CAPN8: variants seen among roughly 807,000 people sequenced by gnomAD.
CAPN8 encodes calpain-8.
In CAPN8, 87 loss-of-function variants were observed where a neutral mutation model predicts 80.9. That is an observed-to-expected ratio of 1.07 (90% CI 0.90 to 1.28). The LOEUF is 1.28. Among genes scored for constraint, CAPN8 ranks in the 50% most tolerant of loss-of-function variants. The pLI, the probability that CAPN8 is intolerant of heterozygous loss-of-function variation, is 0.00. For synonymous variants in CAPN8, 299 were observed against 273.8 expected (o/e 1.09, Z -0.91); for missense variants, 757 against 702.0 (o/e 1.08, Z -0.89).
intron 11 of CAPN8, 146 bp downstream of exon 11, chr1:223,612,100 A>G: frequency 1.7e-6 from 1 of 573,388 alleles, no homozygotes; most frequent in Non-Finnish European, 2.6e-6. Flanking sequence ...CAGCCTACTC[A>G]TGTGGTTTGA....
chr1:223,614,367 T>C (rs1657111572), intron 10 of CAPN8, among the ~76,000 whole-genome samples: 1 of 146,974 alleles, frequency 6.8e-6, no homozygotes, highest in African/African-American at 2.5e-5. Context: ...AGCACTGCAC[T>C]CCAGCCTGGG....
intron 1 of CAPN8, among the ~76,000 whole-genome samples, chr1:223,659,592 C>T (rs753262805): frequency 2.6e-5 from 4 of 152,148 alleles, no homozygotes; most frequent in South Asian, 2.1e-4. Flanking sequence ...CAAACGTCTC[C>T]GGTAATTAAC....
chr1:223,552,058 C>G (rs34267716), intron 14 of CAPN8, among the ~76,000 whole-genome samples: 37,320 of 152,108 alleles, frequency 0.25, 4,624 homozygotes, highest in East Asian at 0.31. Context: ...GCAGAGAAGG[C>G]GTGCTGGGCT....
chr1:223,663,746 G>A (rs1420383309), intron 1 of CAPN8, among the ~76,000 whole-genome samples: 4 of 152,326 alleles, frequency 2.6e-5, no homozygotes, highest in South Asian at 2.1e-4. Flanking sequence ...GATGAACCAC[G>A]GTGGGCGGGA....
In CAPN8 at chr1:223,551,153, G is replaced by GT. The variant is rs536065654; in HGVS notation, c.1642-137dup. 3.7e-3 allele frequency: 2,107 copies of GT among 567,554 alleles called. 2 individuals are homozygous for GT. Among genetic ancestry groups the GT allele is most frequent in the South Asian group, 9.4e-3 (448 of 47,724 alleles). 35.2% of individuals were successfully genotyped at this position (567,554 alleles called of 1,614,324 possible). A position where few individuals can be genotyped will look rare whatever the true frequency, so the allele number is the denominator to read the frequency against. On this transcript the variant is annotated intron_variant, in intron 14 of 20. Coordinates refer to ENST00000366872, the MANE Select transcript of CAPN8 (RefSeq NM_001143962.2). ...TGAGGTTTATTTGTTTTTGTTTTTT[G>GT]TTTTTTTTTGAGACAGTCTTACTCT... is the stretch of plus-strand genomic sequence containing the variant.
intron 16 of CAPN8, 122 bp downstream of exon 16, chr1:223,549,196 T>A: frequency 7.8e-7 from 1 of 1,273,972 alleles, no homozygotes; most frequent in Non-Finnish European, 1.1e-6. Context: ...ATATGCTCCA[T>A]GCCTGCTCTC....
In CAPN8 at chr1:223,544,106, T is replaced by C. The variant is rs975893234; in HGVS notation, c.1990A>G (p.Ser664Gly). 2 of 718,264 alleles carry C rather than the reference T, an allele frequency of 2.8e-6. No homozygotes were observed. Among genetic ancestry groups the C allele is most frequent in the Non-Finnish European group, 5.2e-6 (2 of 385,118 alleles). The allele number at this position is 718,264 out of a possible 1,614,324, so 44.5% of individuals were successfully genotyped here. The stretch of plus-strand genomic sequence containing the variant: ...AGGCGGATCATACAAGCCACGAAGC[T>C]GTCAAAGTTGATGCCAAGCTTGCTG... ...ACSKLGINFD[S>G]FVACMIRLET... The change falls in exon 19 of 21, where the codon AGC becomes GGC. Residue 664 changes from serine to glycine, a missense_variant. By Grantham distance (56) the Ser-to-Gly change is moderately conservative. Coordinates refer to ENST00000366872, the MANE Select transcript of CAPN8 (RefSeq NM_001143962.2).
intron 2 of CAPN8, 42 bp downstream of exon 2, chr1:223,654,288 C>T (rs1235966248): frequency 9.9e-6 from 15 of 1,520,548 alleles, no homozygotes; most frequent in African/African-American, 2.8e-5. Context: ...CATACACACC[C>T]GCCCTCTCCC....
In CAPN8 at chr1:223,620,261, G is replaced by A; in HGVS notation, c.905C>T (p.Pro302Leu). The A allele has an allele frequency of 6.4e-7, 1 of 1,551,556 alleles. No individual in the cohort carries two copies. Among genetic ancestry groups the A allele is most frequent in the Non-Finnish European group, 8.7e-7 (1 of 1,146,934 alleles). ...EWSGAWSDDAPEWNHIDPRRK... is the reference protein window; with the variant it reads ...EWSGAWSDDALEWNHIDPRRK... ...CCGGGGGTCTATGTGATTCCACTCT[G>A]GTGCACTGAGGGGAAAACAAGCAGA... The change falls in exon 8 of 21, where the codon CCA becomes CTA. Residue 302 changes from proline (P) to leucine (L), a missense_variant. Physicochemically the swap from Pro to Leu is moderately conservative, Grantham distance 98. Coordinates refer to ENST00000366872, the MANE Select transcript of CAPN8 (RefSeq NM_001143962.2).
chr1:223,643,335 T>C (rs1658094395), intron 2 of CAPN8, among the ~76,000 whole-genome samples: 1 of 152,208 alleles, frequency 6.6e-6, no homozygotes, highest in East Asian at 1.9e-4. Flanking sequence ...TTTCCAAATA[T>C]ACATAGATCT....
At chr1:223,638,994 C>T (rs1302009925) in intron 2 of CAPN8, among the ~76,000 whole-genome samples, 2 of 152,220 alleles carry the variant, frequency 1.3e-5, no homozygotes, top group Admixed American at 1.3e-4. Flanking sequence ...AATCCCAACA[C>T]TTTGGGAGGC....
At chr1:223,549,552 G>A (rs1189090418) in intron 15 of CAPN8, 170 bp from the exon 16 acceptor site, 3 of 957,924 alleles carry the variant, frequency 3.1e-6, no homozygotes, top group South Asian at 1.4e-5. Context: ...ATACGCCTGA[G>A]CCTCCTGGTG....
At position 223,609,216 on chromosome 1, in the gene CAPN8, A is replaced by G. The variant is rs1182416820; in HGVS notation, c.1472T>C (p.Phe491Ser). The part of the protein sequence containing the change: ...PGEYLVVPST[F>S]EPFKDGEFCL... ...GAACTCGCCGTCTTTGAAGGGTTCA[A>G]ATGTGGATGGCACCACCAGGTACTC... The change falls in exon 12 of 21, where the codon TTT becomes TCT. Residue 491 changes from phenylalanine to serine, a missense_variant. Physicochemically the swap from Phe to Ser is radical, Grantham distance 155. Transcript: ENST00000366872. 2 of 398,310 alleles carry G rather than the reference A, an allele frequency of 5.0e-6. No individual in the cohort carries two copies. Among genetic ancestry groups the G allele is most frequent in the Non-Finnish European group, 8.8e-6 (2 of 226,074 alleles). The allele number at this position is 398,310 out of a possible 1,614,324, so 24.7% of individuals were successfully genotyped here.
chr1:223,656,833 A>T (rs919259203), intron 1 of CAPN8, among the ~76,000 whole-genome samples: 5 of 151,590 alleles, frequency 3.3e-5, no homozygotes, highest in Non-Finnish European at 5.9e-5. Flanking sequence ...ACAGGCGCCC[A>T]CCACCACGCC....
chr1:223,618,362 C>T (rs1199536517), intron 9 of CAPN8: 3 of 1,533,466 alleles, frequency 2.0e-6, no homozygotes, highest in East Asian at 2.4e-5. Context: ...AGGGTTAGTG[C>T]GGAGGCCATG....
rs374320578 is a variant in CAPN8, at chr1:223,642,766, C to A, written c.307+11564G>T. The A allele has an allele frequency of 3.6e-4, 163 of 454,178 alleles. 3 individuals are homozygous for A. Among genetic ancestry groups the A allele is most frequent in the South Asian group, 1.6e-3 (101 of 63,836 alleles). The allele number at this position is 454,178 out of a possible 1,614,324, so 28.1% of individuals were successfully genotyped here. A position where few individuals can be genotyped will look rare whatever the true frequency, so the allele number is the denominator to read the frequency against. On this transcript the variant is annotated intron_variant, in intron 2 of 20. Transcript: ENST00000366872. The stretch of plus-strand genomic sequence containing the variant: ...CTCTTCACAGCTGAAGAAACTTGTT[C>A]AGATTATTTCAGAGTTCCTCCTAGT...
intron 11 of CAPN8, among the ~76,000 whole-genome samples, chr1:223,611,079 G>C (rs1279756375): frequency 1.3e-5 from 2 of 152,200 alleles, no homozygotes; most frequent in African/African-American, 2.4e-5. Context: ...GGCACTGTGA[G>C]GTGCTGCTGG....
chr1:223,653,654 CCAATT>C (rs1225851310), intron 2 of CAPN8, among the ~76,000 whole-genome samples: 4 of 152,124 alleles, frequency 2.6e-5, no homozygotes, highest in Non-Finnish European at 5.9e-5. Context: ...TAAGGATTGT[CCAATT>C]CAACGCAGAA....
At chr1:223,554,114 C>A (rs1656857159) in intron 13 of CAPN8, among the ~76,000 whole-genome samples, 1 of 152,184 alleles carries the variant, frequency 6.6e-6, no homozygotes, top group South Asian at 2.1e-4. Context: ...AGCAGAGAGG[C>A]AGCGCTGGGG....
Sources: gnomAD v4.1 joint callset for allele counts (sites outside exome capture counted in the v4.1 genomes callset) on GRCh38, gnomAD v4.1.1 for gene constraint, MANE v1.5 for transcripts, NCBI Gene and HGNC (gene_info 2026-07-23, HGNC 2026-07-21) for gene names.